Variants in UBE2D3 observed in about 807,000 individuals in gnomAD.
UBE2D3 encodes the protein ubiquitin conjugating enzyme E2 D3.
A neutral mutation model predicts 22.8 loss-of-function variants in UBE2D3; 2 were observed. The ratio of observed to expected loss-of-function variants is 0.09; its 90% CI spans 0.04 to 0.28. The LOEUF (loss-of-function observed/expected upper bound fraction) is 0.28, where lower values mean the gene tolerates loss of function less well. Among genes scored for constraint, UBE2D3 ranks in the 10% least tolerant of loss-of-function variants. UBE2D3 has a pLI of 1.00. For missense variants in UBE2D3, 27 were observed against 182.5 expected (o/e 0.15, Z 4.91); for synonymous variants, 56 against 60.4 (o/e 0.93, Z 0.34).
At chr4:102,824,639 A>G (rs753207603) in intron 2 of UBE2D3, among the ~76,000 whole-genome samples, 1 of 152,224 alleles carries the variant, frequency 6.6e-6, no homozygotes, top group African/African-American at 2.4e-5. Context: ...TAAATCATTT[A>G]AGTGGTGTCA....
intron 2 of UBE2D3, among the ~76,000 whole-genome samples, chr4:102,821,519 A>G (rs1477943230): frequency 1.3e-5 from 2 of 152,166 alleles, no homozygotes; most frequent in African/African-American, 2.4e-5. Flanking sequence ...TTAATCAGAG[A>G]GGAGCTTCAG....
At chr4:102,854,821 T>C (rs2110372130) in intron 1 of UBE2D3, among the ~76,000 whole-genome samples, 1 of 152,246 alleles carries the variant, frequency 6.6e-6, no homozygotes, top group South Asian at 2.1e-4. Context: ...AGGAATAAGA[T>C]CAAAAACTTA....
At chr4:102,849,152 G>T (rs1006061797) in intron 1 of UBE2D3, among the ~76,000 whole-genome samples, 1 of 151,996 alleles carries the variant, frequency 6.6e-6, no homozygotes, top group South Asian at 2.1e-4. Flanking sequence ...AGGATGGCTT[G>T]AGCCCAGGAG....
chr4:102,835,776 A>G (rs1347587875), intron 1 of UBE2D3, among the ~76,000 whole-genome samples: 1 of 104,600 alleles, frequency 9.6e-6, no homozygotes, highest in Non-Finnish European at 1.9e-5. Flanking sequence ...TGATAAGCTA[A>G]CATATATATA....
At chr4:102,805,792 A>G (rs911311676) in intron 4 of UBE2D3, among the ~76,000 whole-genome samples, 5 of 151,608 alleles carry the variant, frequency 3.3e-5, no homozygotes, top group Non-Finnish European at 4.4e-5. Flanking sequence ...CTACTTGGAT[A>G]TCTCTACTTG....
rs1209804382 is a variant in UBE2D3, at chr4:102,796,209, A to G, written c.*1206T>C. 2 of 152,400 alleles carry G rather than the reference A, an allele frequency of 1.3e-5. No individual in the cohort carries two copies. Among genetic ancestry groups the G allele is most frequent in the Non-Finnish European group, 2.9e-5 (2 of 67,910 alleles). The allele number at this position is 152,400 out of a possible 1,614,324, so 9.4% of individuals were successfully genotyped here. On this transcript the variant is annotated 3_prime_UTR_variant, in exon 8 of 8. Coordinates refer to ENST00000453744, the MANE Select transcript of UBE2D3 (RefSeq NM_181891.3). ...CCATGTTGTTTTTTTTCAGCTGTCAAGTGTACAAGGTGAAGAGAAATTTCA... is the reference window on the plus strand; with the variant it reads ...CCATGTTGTTTTTTTTCAGCTGTCAGGTGTACAAGGTGAAGAGAAATTTCA...
chr4:102,816,887 C>T (rs972558586), intron 2 of UBE2D3, among the ~76,000 whole-genome samples: 3 of 152,114 alleles, frequency 2.0e-5, no homozygotes, highest in African/African-American at 7.2e-5. Context: ...GAAATGCCTC[C>T]TCAGACTCAG....
chr4:102,816,780 T>C (rs1466264517), intron 2 of UBE2D3, among the ~76,000 whole-genome samples: 1 of 152,214 alleles, frequency 6.6e-6, no homozygotes, highest in South Asian at 2.1e-4. Flanking sequence ...GAAAATGTAA[T>C]GTTAATTTCA....
At chr4:102,824,172 G>A (rs2110328640) in intron 2 of UBE2D3, among the ~76,000 whole-genome samples, 1 of 152,192 alleles carries the variant, frequency 6.6e-6, no homozygotes, top group South Asian at 2.1e-4. Context: ...CATAAACACT[G>A]GTTTTTCCAA....
intron 1 of UBE2D3, among the ~76,000 whole-genome samples, chr4:102,860,773 C>G (rs978320190): frequency 6.6e-6 from 1 of 151,882 alleles, no homozygotes; most frequent in South Asian, 2.1e-4. Context: ...TATCTGTGTG[C>G]TATCTGCTGG....
chr4:102,861,463 T>C (rs573001009), intron 1 of UBE2D3, among the ~76,000 whole-genome samples: 1 of 152,092 alleles, frequency 6.6e-6, no homozygotes, highest in South Asian at 2.1e-4. Flanking sequence ...AGGCAAAATA[T>C]AAACAGTTAA....
chr4:102,812,744 G>A (rs988664425), intron 2 of UBE2D3: 6 of 152,182 alleles, frequency 3.9e-5, no homozygotes, highest in Middle Eastern at 3.4e-3. Flanking sequence ...TTGAAATTTC[G>A]AGAAACACTG....
intron 4 of UBE2D3, 81 bp downstream of exon 4, chr4:102,809,591 C>CT: frequency 7.3e-7 from 1 of 1,378,978 alleles, no homozygotes; most frequent in South Asian, 1.3e-5. Flanking sequence ...TAAAATAAAC[C>CT]TACAGACCAA....
intron 2 of UBE2D3, among the ~76,000 whole-genome samples, chr4:102,820,027 G>C (rs142378702): frequency 1.3e-3 from 202 of 152,314 alleles, no homozygotes; most frequent in African/African-American, 4.8e-3. Context: ...GACTGGAAGA[G>C]ATGATAAAAT....
chr4:102,801,178 T>C (rs1578221117), intron 6 of UBE2D3, among the ~76,000 whole-genome samples: 2 of 151,926 alleles, frequency 1.3e-5, no homozygotes, highest in East Asian at 1.9e-4. Context: ...GATTGAAAAA[T>C]ACAGAAGTCT....
intron 2 of UBE2D3, among the ~76,000 whole-genome samples, chr4:102,824,080 CAT>C (rs1426906237): frequency 1.3e-5 from 2 of 152,158 alleles, no homozygotes; most frequent in African/African-American, 4.8e-5. Flanking sequence ...AAAGTTGCCT[CAT>C]GTGATTTTAA....
At position 102,796,148 on chromosome 4, in the gene UBE2D3, GTACTT is replaced by G. The variant is rs1007937063; in HGVS notation, c.*1262_*1266del. ...TCATGACAACTCCCACACCAAAACAGTACTTTATTTTGCAAATTTTGACCCATTAT... is the reference window on the plus strand; with the variant it reads ...TCATGACAACTCCCACACCAAAACAGTATTTTGCAAATTTTGACCCATTAT... On this transcript the variant is annotated 3_prime_UTR_variant, in exon 8 of 8. Coordinates refer to ENST00000453744, the MANE Select transcript of UBE2D3 (RefSeq NM_181891.3). 3.9e-5 allele frequency: 6 copies of G among 152,236 alleles called. No individual in the cohort carries two copies. Among genetic ancestry groups the G allele is most frequent in the African/African-American group, 9.7e-5 (4 of 41,368 alleles). The allele number at this position is 152,236 out of a possible 1,614,324, so 9.4% of individuals were successfully genotyped here.
intron 4 of UBE2D3, among the ~76,000 whole-genome samples, chr4:102,808,042 T>C (rs1727346234): frequency 6.6e-6 from 1 of 152,230 alleles, no homozygotes; most frequent in Admixed American, 6.5e-5. Context: ...ATGAGCTTTA[T>C]TTTAAGGCAT....
intron 6 of UBE2D3, among the ~76,000 whole-genome samples, chr4:102,799,952 C>T (rs1321599093): frequency 6.6e-6 from 1 of 151,812 alleles, no homozygotes; most frequent in Non-Finnish European, 1.5e-5. Context: ...GAAAAACCCT[C>T]AAGTGCTCCA....
Sources: gnomAD v4.1 joint callset for allele counts (sites outside exome capture counted in the v4.1 genomes callset) on GRCh38, gnomAD v4.1.1 for gene constraint, MANE v1.5 for transcripts, NCBI Gene and HGNC (gene_info 2026-07-23, HGNC 2026-07-21) for gene names.